Variants in CLHC1 observed in about 807,000 individuals in gnomAD.
The protein encoded by CLHC1 is clathrin heavy chain linker domain-containing protein 1.
CLHC1 carries 72 observed loss-of-function variants against 69.5 expected under a neutral mutation model. That is an observed-to-expected ratio of 1.04 (90% CI 0.86 to 1.26). CLHC1 has a LOEUF of 1.26. Among genes scored for constraint, CLHC1 ranks in the 50% most tolerant of loss-of-function variants. The pLI is 0.00. For missense variants in CLHC1, 790 were observed against 679.3 expected, an observed-to-expected ratio of 1.16 and a Z score of -1.81; for synonymous variants, 223 against 224.3, an observed-to-expected ratio of 0.99 and a Z score of 0.05.
chr2:55,222,918 C>CAAAAAAAAAAAAAAAAAAAAAAAAAAAAA, intron 2 of CLHC1, among the ~76,000 whole-genome samples: 1 of 68,568 alleles, frequency 1.5e-5, no homozygotes, highest in Non-Finnish European at 2.8e-5. Flanking sequence ...GAAACTGTCT[C>CAAAAAAAAAAAAAAAAAAAAAAAAAAAAA]AAAAAAAAAA....
Position 55,208,676 on chromosome 2 carries a change from A to C in CLHC1, c.849T>G (p.Asp283Glu), listed in dbSNP as rs1256327218. The C allele has an allele frequency of 6.2e-7, 1 of 1,612,634 alleles. No homozygotes were observed. The highest frequency in any genetic ancestry group is 1.1e-5 in the South Asian group (1 of 90,998). The change falls in exon 8 of 13, where the codon GAT becomes GAG. Residue 283 changes from aspartate (D) to glutamate (E), a missense_variant. Coordinates refer to ENST00000401408, the MANE Select transcript of CLHC1 (RefSeq NM_152385.4). ...CAGCTTCTTTTGCCCTGCGTGGATC[A>C]TCTTCCATTAGTTCTTCAACAATGC... ...DQGIVEELME[D>E]DPRRAKEAEI...
In CLHC1 at chr2:55,180,689, C is replaced by A. The variant is rs1311050707; in HGVS notation, c.1205G>T (p.Gly402Val). 6.2e-7 allele frequency: 1 copy of A among 1,614,002 alleles called. No individual in the cohort carries two copies. ...CTCCCCATAATCACAAATCACATCC[C>A]CAGCCTCCTCAGAAAATGTCAGTCT... is the stretch of plus-strand genomic sequence containing the variant. ...QERLTFSEEA[G>V]DVICDYGEQD... Residue 402 changes from glycine (G) to valine (V), a missense_variant, in exon 11 of 13, where the codon GGG (glycine) becomes GTG (valine). Physicochemically the swap from Gly to Val is moderately radical, Grantham distance 109 (BLOSUM62 -3). Transcript: ENST00000401408.
intron 4 of CLHC1, among the ~76,000 whole-genome samples, chr2:55,216,939 C>A (rs549635596): frequency 5.3e-4 from 80 of 152,176 alleles, no homozygotes; most frequent in African/African-American, 1.9e-3. Context: ...CTTGAGCTCA[C>A]AAGTTGGAGA....
At position 55,181,672 on chromosome 2, in the gene CLHC1, G is replaced by C. The variant is rs752943303; in HGVS notation, c.1079C>G (p.Ala360Gly). Residue 360 changes from alanine to glycine, a missense_variant, in exon 10 of 13, where the codon GCT (alanine) becomes GGT (glycine). By Grantham distance (60) the Ala-to-Gly change is moderately conservative. Transcript: ENST00000401408. ...AGCTGCATCAACAGGACATGGAAAA[G>C]CATGACTTGTGATAAAGAGGGCCTC... ...FFEALFITSH[A>G]FPCPVDAALT... 8.1e-6 allele frequency: 13 copies of C among 1,613,604 alleles called. No individual in the cohort carries two copies. Among genetic ancestry groups the C allele is most frequent in the Non-Finnish European group, 1.0e-5 (12 of 1,179,608 alleles).
chr2:55,194,233 A>C (rs1671189658), intron 9 of CLHC1, among the ~76,000 whole-genome samples: 1 of 152,216 alleles, frequency 6.6e-6, no homozygotes, highest in African/African-American at 2.4e-5. Context: ...CAGTAAAATC[A>C]TTAAATTTTG....
intron 2 of CLHC1, chr2:55,223,911 T>G (rs1032005531): frequency 2.6e-5 from 4 of 152,394 alleles, no homozygotes; most frequent in African/African-American, 9.7e-5. Context: ...TTCTCCTGCC[T>G]CAGCCTCTTG....
Position 55,180,730 on chromosome 2 carries a change from A to G in CLHC1, c.1182-18T>C. 6.2e-7 allele frequency: 1 copy of G among 1,605,892 alleles called. No homozygotes were observed. Among genetic ancestry groups the G allele is most frequent in the Admixed American group, 1.7e-5 (1 of 59,964 alleles). ...ATGTCAGTCTAGAACAAGCAGATCA[A>G]TAAGACATATGTTAGAAAATTCCTG... On this transcript the variant is annotated intron_variant, in intron 10 of 12. Transcript: ENST00000401408.
intron 9 of CLHC1, among the ~76,000 whole-genome samples, 162 bp from the exon 10 acceptor site, chr2:55,181,906 T>A (rs1202184808): frequency 6.6e-6 from 1 of 152,156 alleles, no homozygotes; most frequent in African/African-American, 2.4e-5. Flanking sequence ...AAACTTTATC[T>A]AAATGACTAA....
At chr2:55,214,731 T>G (rs1252510461) in intron 4 of CLHC1, 1 of 152,182 alleles carries the variant, frequency 6.6e-6, no homozygotes, top group Non-Finnish European at 1.5e-5. Flanking sequence ...CAAAAGAAAC[T>G]GAAAGCAGAT....
At chr2:55,210,004 G>T (rs1407628685) in intron 5 of CLHC1, among the ~76,000 whole-genome samples, 173 bp from the exon 6 acceptor site, 1 of 152,184 alleles carries the variant, frequency 6.6e-6, no homozygotes, top group South Asian at 2.1e-4. Context: ...TGAATGGCTA[G>T]CAGGTTATTT....
At chr2:55,181,422 C>G in intron 10 of CLHC1, 148 bp downstream of exon 10, 1 of 643,934 alleles carries the variant, frequency 1.6e-6, no homozygotes, top group African/African-American at 1.9e-5. Flanking sequence ...AGCCACCACA[C>G]CCGACCACTA....
chr2:55,181,822 T>C (rs1669967848), intron 9 of CLHC1, 78 bp from the exon 10 acceptor site: 2 of 1,108,498 alleles, frequency 1.8e-6, no homozygotes, highest in African/African-American at 3.2e-5. Flanking sequence ...TTACTATTTT[T>C]GTGCCTTTGC....
chr2:55,209,880 C>T, intron 5 of CLHC1, 49 bp from the exon 6 acceptor site: 1 of 1,239,666 alleles, frequency 8.1e-7, no homozygotes. Context: ...GTGTGGGACG[C>T]TTGTGCTCAA....
chr2:55,220,960 A>C (rs1674055191), intron 3 of CLHC1, among the ~76,000 whole-genome samples: 1 of 152,204 alleles, frequency 6.6e-6, no homozygotes, highest in Admixed American at 6.5e-5. Flanking sequence ...ATGATATAAA[A>C]AGAAGGAAAG....
intron 7 of CLHC1, 53 bp downstream of exon 7, chr2:55,209,351 C>G (rs546846309): frequency 9.0e-7 from 1 of 1,112,572 alleles, no homozygotes; most frequent in Non-Finnish European, 1.3e-6. Flanking sequence ...AACTAGCTAG[C>G]GAAAAAAATG....
chr2:55,191,252 T>C (rs1367665924), intron 9 of CLHC1, among the ~76,000 whole-genome samples: 3 of 152,206 alleles, frequency 2.0e-5, no homozygotes, highest in African/African-American at 2.4e-5. Context: ...AATATACATA[T>C]GTTTTTGCAG....
intron 9 of CLHC1, among the ~76,000 whole-genome samples, chr2:55,192,264 C>G (rs1671005682): frequency 6.6e-6 from 1 of 151,934 alleles, no homozygotes; most frequent in Non-Finnish European, 1.5e-5. Context: ...GGATTACAGG[C>G]ACTCACCACC....
rs1256143445 is a variant in CLHC1, at chr2:55,172,710, A to T, written c.*3080T>A. Among the ~76,000 whole-genome samples the T allele has an allele frequency of 6.6e-6, 1 of 151,618 alleles. No homozygotes were observed. Among genetic ancestry groups the T allele is most frequent in the Non-Finnish European group, 1.5e-5 (1 of 67,890 alleles). The stretch of plus-strand genomic sequence containing the variant: ...ATGAAATGTACAAAGTTAAAAAAAA[A>T]AAAAAAGGCCTCTGCTATGATTTTT... On this transcript the variant is annotated 3_prime_UTR_variant, in exon 13 of 13. Coordinates refer to ENST00000401408, the MANE Select transcript of CLHC1 (RefSeq NM_152385.4).
At chr2:55,205,888 C>G (rs1448176167) in intron 9 of CLHC1, among the ~76,000 whole-genome samples, 1 of 129,964 alleles carries the variant, frequency 7.7e-6, no homozygotes, top group Non-Finnish European at 1.6e-5. Flanking sequence ...GAATGAAACT[C>G]TGTCTCAAAA....
Sources: gnomAD v4.1 joint callset for allele counts (sites outside exome capture counted in the v4.1 genomes callset) on GRCh38, gnomAD v4.1.1 for gene constraint, MANE v1.5 for transcripts, NCBI Gene and HGNC (gene_info 2026-07-23, HGNC 2026-07-21) for gene names.